PRPF8: variants seen among roughly 807,000 people sequenced by gnomAD.
The protein encoded by PRPF8 is pre-mRNA processing factor 8.
A neutral mutation model predicts 285.9 loss-of-function variants in PRPF8; 64 were observed. The observed-to-expected ratio is 0.22, with a 90% CI of 0.18 to 0.28. The LOEUF (loss-of-function observed/expected upper bound fraction) is 0.28. Among genes scored for constraint, PRPF8 ranks in the 10% least tolerant of loss-of-function variants. The pLI, the probability that PRPF8 is intolerant of heterozygous loss-of-function variation, is 1.00. For synonymous variants in PRPF8, 1,325 were observed against 1,118.2 expected (o/e 1.18, Z -3.69); for missense variants, 1,426 against 3,026.7 (o/e 0.47, Z 12.41).
Position 1,655,433 on chromosome 17 carries a change from C to G in PRPF8, c.5904G>C (p.Trp1968Cys). Residue 1968 changes from tryptophan (W) to cysteine (C), a missense_variant, in exon 37 of 43, where the codon TGG (tryptophan) becomes TGC (cysteine). This residue lies in a region of PRPF8 where 35 missense variants were observed against 47.7 expected (regional missense o/e 0.73). Transcript: ENST00000304992. The stretch of plus-strand genomic sequence containing the variant: ...TCCATTCTTCGTCAGTCAGAGTGGG[C>G]CAGATGTGGTGTGGTTCTGTAATAG... The part of the protein sequence containing the change: ...KTTITEPHHI[W>C]PTLTDEEWIK... The G allele has an allele frequency of 1.2e-6, 2 of 1,614,008 alleles. No homozygotes were observed. Among genetic ancestry groups the G allele is most frequent in the Non-Finnish European group, 1.7e-6 (2 of 1,180,008 alleles).
chr17:1,669,733 C>T (rs1597240042), intron 24 of PRPF8, among the ~76,000 whole-genome samples: 1 of 152,214 alleles, frequency 6.6e-6, no homozygotes, highest in Non-Finnish European at 1.5e-5. Flanking sequence ...AGGCAACTGA[C>T]ACTGCTCAGC....
chr17:1,654,543 G>T (rs1272435443), intron 37 of PRPF8: 1 of 230,360 alleles, frequency 4.3e-6, no homozygotes, highest in Non-Finnish European at 8.7e-6. Context: ...CAATGGCCAA[G>T]AGTCAGACTG....
intron 24 of PRPF8, among the ~76,000 whole-genome samples, chr17:1,669,541 TC>T (rs1912192570): frequency 6.6e-6 from 1 of 152,182 alleles, no homozygotes; most frequent in Admixed American, 6.6e-5. Context: ...TTCCTTCTCT[TC>T]AACTGACAAA....
Position 1,681,550 on chromosome 17 carries a change from G to A in PRPF8, c.794C>T (p.Thr265Met). Residue 265 changes from threonine to methionine, a missense_variant, in exon 6 of 43, where the codon ACG (threonine) becomes ATG (methionine). Around this residue, in one of 34 missense-constraint regions of PRPF8, gnomAD observed 157 missense variants for 159.6 expected, o/e 0.98. Transcript: ENST00000304992. ...FYLFDLKAFF[T>M]SKALNMAIPG... ...AATGGCCATATTGAGTGCCTTGGAC[G>A]TAAAGAAGGCCTTCAAATCAAACAG... 6.2e-7 allele frequency: 1 copy of A among 1,613,568 alleles called. No homozygotes were observed. Among genetic ancestry groups the A allele is most frequent in the Non-Finnish European group, 8.5e-7 (1 of 1,179,504 alleles).
intron 24 of PRPF8, among the ~76,000 whole-genome samples, chr17:1,670,534 T>C (rs1912249659): frequency 6.6e-6 from 1 of 152,252 alleles, no homozygotes; most frequent in Non-Finnish European, 1.5e-5. Context: ...GTTGCCAGGC[T>C]GGAGTGCACT....
rs763274430 is a variant in PRPF8 at position 1,684,452 on chromosome 17, G to A, written c.100+20C>T. 9.3e-6 allele frequency: 15 copies of A among 1,612,176 alleles called. No individual in the cohort carries two copies. In the East Asian group the frequency reaches 2.5e-4, roughly 26 times the overall value. On this transcript the variant is annotated intron_variant, in intron 2 of 42. Transcript: ENST00000304992. ...CCGCCCCGCCTCCGGCCCGCGCGCC[G>A]CTCCACACTCTCGCCTCACCTTTCT...
chr17:1,681,349 G>C, intron 6 of PRPF8, 129 bp downstream of exon 6: 1 of 1,143,266 alleles, frequency 8.7e-7, no homozygotes, highest in Non-Finnish European at 1.3e-6. Flanking sequence ...CCAAAGTGCT[G>C]AGATTACAGC....
Position 1,675,543 on chromosome 17 carries a change from G to T in PRPF8, c.2872+77C>A. 1.3e-6 allele frequency: 2 copies of T among 1,577,192 alleles called. No individual in the cohort carries two copies. Among genetic ancestry groups the T allele is most frequent in the Non-Finnish European group, 1.7e-6 (2 of 1,147,430 alleles). On this transcript the variant is annotated intron_variant, in intron 19 of 42. Coordinates refer to ENST00000304992, the MANE Select transcript of PRPF8 (RefSeq NM_006445.4). This position sits in a 1 kb window ranked among gnomAD's most constrained non-coding sequence, Gnocchi z 6.0. ...CGCATCAAGAGAGTAAACCAATCATGCTACCCAGATGAGATTTTTGACGTA... is the reference window on the plus strand; with the variant it reads ...CGCATCAAGAGAGTAAACCAATCATTCTACCCAGATGAGATTTTTGACGTA...
intron 24 of PRPF8, among the ~76,000 whole-genome samples, chr17:1,663,775 T>A (rs62089962): frequency 0.025 from 3,732 of 148,900 alleles, 70 homozygotes; most frequent in Middle Eastern, 0.043. Context: ...AAATAAACTT[T>A]AGTTACAAAG....
Position 1,658,280 on chromosome 17 carries a change from C to T in PRPF8, c.5478G>A (p.Val1826=). The change falls in exon 34 of 43, where the codon GTG becomes GTA. Residue 1826 remains valine (V), a synonymous_variant. Transcript: ENST00000304992. This position sits in a 1 kb window ranked among gnomAD's most constrained non-coding sequence, Gnocchi z 4.1. The part of the protein sequence containing the change: ...QLFLKIIHTS[V]WAGQKRLGQL... Reference sequence around the variant, plus strand: ...GCCCCAAACGCTTCTGTCCCGCCCACACGGACGTGTGGATTATCTTGAGGA... The same window carrying T: ...GCCCCAAACGCTTCTGTCCCGCCCATACGGACGTGTGGATTATCTTGAGGA... 2 of 1,614,218 alleles carry T rather than the reference C, an allele frequency of 1.2e-6. No homozygotes were observed.
chr17:1,663,615 A>G (rs1261820428), intron 24 of PRPF8, among the ~76,000 whole-genome samples: 2 of 147,610 alleles, frequency 1.4e-5, no homozygotes, highest in African/African-American at 5.0e-5. Flanking sequence ...AGGCTGAGGT[A>G]GAAGAATCGC....
intron 2 of PRPF8, 144 bp from the exon 3 acceptor site, chr17:1,683,845 A>C (rs1913075882): frequency 1.1e-6 from 1 of 940,264 alleles, no homozygotes. Flanking sequence ...TTCCCTTACC[A>C]TTTTACTCTG....
chr17:1,669,281 A>T (rs1310002683), intron 24 of PRPF8, among the ~76,000 whole-genome samples: 1 of 152,032 alleles, frequency 6.6e-6, no homozygotes, highest in African/African-American at 2.4e-5. Context: ...TAATTTTTGT[A>T]TTTTTAGTAG....
chr17:1,654,543 G>C (rs1272435443), intron 37 of PRPF8: 1 of 230,360 alleles, frequency 4.3e-6, no homozygotes, highest in African/African-American at 2.3e-5. Context: ...CAATGGCCAA[G>C]AGTCAGACTG....
At chr17:1,680,483 C>G in intron 8 of PRPF8, 2 of 592,440 alleles carry the variant, frequency 3.4e-6, no homozygotes, top group Non-Finnish European at 6.0e-6. Context: ...CAGACCGGGA[C>G]AGATTATCTA....
At position 1,684,529 on chromosome 17, in the gene PRPF8, G is replaced by A. The variant is rs761875801; in HGVS notation, c.43C>T (p.Pro15Ser). ...TCCGGTAGCGGGGCTAGAGGGCCAG[G>A]CACCGGGTTACCCGGCCCTCGATAA... ...FPYRGPGNPVPGPLAPLPDYM... is the reference protein window; with the variant it reads ...FPYRGPGNPVSGPLAPLPDYM... The change falls in exon 2 of 43, where the codon CCT becomes TCT. Residue 15 changes from proline (P) to serine (S), a missense_variant. By Grantham distance (74) the Pro-to-Ser change is moderately conservative (BLOSUM62 -1). This residue lies in a region of PRPF8 where 72 missense variants were observed against 80.0 expected (regional missense o/e 0.90). Transcript: ENST00000304992. The A allele has an allele frequency of 3.3e-5, 54 of 1,612,474 alleles. No individual in the cohort carries two copies. Among genetic ancestry groups the A allele is most frequent in the Non-Finnish European group, 4.5e-5 (53 of 1,179,862 alleles).
At chr17:1,664,484 C>T (rs1597235166) in intron 24 of PRPF8, among the ~76,000 whole-genome samples, 1 of 152,018 alleles carries the variant, frequency 6.6e-6, no homozygotes, top group South Asian at 2.1e-4. Context: ...AGGACAGGCA[C>T]CAAGAGAGAC....
chr17:1,683,448 G>C, intron 3 of PRPF8, 85 bp downstream of exon 3: 1 of 1,454,682 alleles, frequency 6.9e-7, no homozygotes, highest in South Asian at 1.1e-5. Context: ...AAGATGAGCT[G>C]TCAAAGCATC....
intron 24 of PRPF8, among the ~76,000 whole-genome samples, chr17:1,670,945 A>G (rs78757588): frequency 6.6e-6 from 1 of 151,074 alleles, no homozygotes; most frequent in Non-Finnish European, 1.5e-5. Context: ...CAAAAAAAAA[A>G]AAGAAGAAAA....
Sources: gnomAD v4.1 joint callset for allele counts (sites outside exome capture counted in the v4.1 genomes callset) on GRCh38, gnomAD v4.1.1 for gene constraint, gnomAD v4.1.1 regional missense constraint, Gnocchi (gnomAD v3.1) non-coding constraint, MANE v1.5 for transcripts, NCBI Gene and HGNC (gene_info 2026-07-23, HGNC 2026-07-21) for gene names.